SHC3: variants seen among roughly 807,000 people sequenced by gnomAD.
The protein encoded by SHC3 is SHC adaptor protein 3.
A neutral mutation model predicts 60.4 loss-of-function variants in SHC3; 15 were observed. The ratio of observed to expected loss-of-function variants is 0.25; its 90% CI spans 0.17 to 0.38. The LOEUF is 0.38. SHC3 is among the 10% of genes least tolerant of loss of function. SHC3 has a pLI of 1.00. For synonymous variants in SHC3, 294 were observed against 325.9 expected, an observed-to-expected ratio of 0.90 and a Z score of 1.05; for missense variants, 677 against 786.1, an observed-to-expected ratio of 0.86 and a Z score of 1.66.
chr9:89,058,269 A>G (rs1412824396), intron 6 of SHC3, among the ~76,000 whole-genome samples: 1 of 139,216 alleles, frequency 7.2e-6, no homozygotes, highest in African/African-American at 2.7e-5. Flanking sequence ...ACGTGGTGGA[A>G]GATGGTGGTG....
intron 1 of SHC3, among the ~76,000 whole-genome samples, chr9:89,171,407 G>A (rs1826867231): frequency 6.6e-6 from 1 of 152,224 alleles, no homozygotes; most frequent in Non-Finnish European, 1.5e-5. Flanking sequence ...GAGCACTTCT[G>A]ATGTGAGGCT....
At position 89,104,773 on chromosome 9, in the gene SHC3, C is replaced by A. The variant is rs144258595; in HGVS notation, c.545+7783G>T. On this transcript the variant is annotated intron_variant, in intron 2 of 11. Transcript: ENST00000375835. Reference sequence around the variant, plus strand: ...TCTATCCTCTCACCCTCCAATCCAACCTTTCCCCACCCCATCCCACCCTTC... The same window carrying A: ...TCTATCCTCTCACCCTCCAATCCAAACTTTCCCCACCCCATCCCACCCTTC... 2.0e-4 allele frequency among the ~76,000 whole-genome samples: 30 copies of A among 152,312 alleles called. No homozygotes were observed. In the East Asian group the frequency reaches 5.4e-3, roughly 27 times the overall value.
intron 11 of SHC3, among the ~76,000 whole-genome samples, chr9:89,015,606 T>C (rs1826079823): frequency 6.6e-6 from 1 of 152,224 alleles, no homozygotes; most frequent in South Asian, 2.1e-4. Context: ...TTCACTTCAT[T>C]ACCGTAAATA....
intron 1 of SHC3, among the ~76,000 whole-genome samples, chr9:89,173,642 G>T (rs1826901313): frequency 6.6e-6 from 1 of 152,064 alleles, no homozygotes; most frequent in South Asian, 2.1e-4. Context: ...GTGGGCTGTG[G>T]GGTGTGTGTG....
intron 1 of SHC3, among the ~76,000 whole-genome samples, chr9:89,142,452 C>A (rs1349913354): frequency 1.3e-5 from 2 of 151,058 alleles, no homozygotes; most frequent in Non-Finnish European, 2.9e-5. Flanking sequence ...TCCCACAAGG[C>A]AGGTGGATCA....
intron 1 of SHC3, among the ~76,000 whole-genome samples, chr9:89,146,466 A>G (rs1462873271): frequency 4.6e-5 from 7 of 152,202 alleles, no homozygotes; most frequent in Non-Finnish European, 1.0e-4. Flanking sequence ...TCCAAGAAAA[A>G]GAAATGGAAA....
rs978434426 is a variant in SHC3 at position 89,012,138 on chromosome 9, C to A, written c.*1309G>T. 1 of 152,258 alleles carries A rather than the reference C, an allele frequency of 6.6e-6. No homozygotes were observed. Among genetic ancestry groups the A allele is most frequent in the Non-Finnish European group, 1.5e-5 (1 of 68,094 alleles). The allele number at this position is 152,258 out of a possible 1,614,324, so 9.4% of individuals were successfully genotyped here. A position where few individuals can be genotyped will look rare whatever the true frequency, so the allele number is the denominator to read the frequency against. ...CACGCTGCCAGCAAGCAAATGGATC[C>A]ATCTATTCTTTAAAGGGCATCTGTG... On this transcript the variant is annotated 3_prime_UTR_variant, in exon 12 of 12. Transcript: ENST00000375835.
intron 2 of SHC3, among the ~76,000 whole-genome samples, chr9:89,092,752 G>T (rs1825643881): frequency 6.6e-6 from 1 of 151,810 alleles, no homozygotes; most frequent in East Asian, 1.9e-4. Context: ...GTGTGTGTGT[G>T]TGTGTGTGTA....
intron 2 of SHC3, among the ~76,000 whole-genome samples, chr9:89,084,885 A>T (rs1296684166): frequency 6.6e-6 from 1 of 152,158 alleles, no homozygotes; most frequent in Non-Finnish European, 1.5e-5. Context: ...AAGGCGCTGG[A>T]CCCATGAGGG....
rs560827014 is a variant in SHC3, at chr9:89,163,650, C to T, written c.474+14337G>A. Among the ~76,000 whole-genome samples the T allele has an allele frequency of 5.4e-5, 8 of 147,412 alleles. No homozygotes were observed. The East Asian group carries it at 1.0e-3, about 19-fold the overall frequency. On this transcript the variant is annotated intron_variant, in intron 1 of 11. Transcript: ENST00000375835. ...GGGAGATATACCTAATGCTAGATGA[C>T]GAGTTAGTGGGTGCAGCGCACCAGC...
chr9:89,115,531 T>C (rs1482449176), intron 1 of SHC3, among the ~76,000 whole-genome samples: 2 of 152,102 alleles, frequency 1.3e-5, no homozygotes, highest in Non-Finnish European at 2.9e-5. Context: ...ATTATGTAAA[T>C]ACCATCATCA....
At chr9:89,117,270 C>T (rs1826031482) in intron 1 of SHC3, among the ~76,000 whole-genome samples, 1 of 152,178 alleles carries the variant, frequency 6.6e-6, no homozygotes, top group Non-Finnish European at 1.5e-5. Context: ...CTCTCATCAC[C>T]CGGCATAAGC....
intron 10 of SHC3, among the ~76,000 whole-genome samples, chr9:89,040,167 A>G (rs1282809693): frequency 1.6e-4 from 3 of 18,666 alleles, no homozygotes. Context: ...CATCACCATC[A>G]TCATCACTAT....
rs1825955652 is a variant in SHC3, at chr9:89,112,109, G to A, written c.545+447C>T. 2.0e-5 allele frequency among the ~76,000 whole-genome samples: 3 copies of A among 152,310 alleles called. No individual in the cohort carries two copies. In the South Asian group the frequency reaches 6.2e-4, roughly 32 times the overall value. Reference sequence around the variant, plus strand: ...ACCTTAAAGAATTGGTCTGCTTGCTGAATGACCTACTCCCATGGCTGTTTC... The same window carrying A: ...ACCTTAAAGAATTGGTCTGCTTGCTAAATGACCTACTCCCATGGCTGTTTC... On this transcript the variant is annotated intron_variant, in intron 2 of 11. Coordinates refer to ENST00000375835, the MANE Select transcript of SHC3 (RefSeq NM_016848.6).
rs886539091 is a variant in SHC3 at position 89,008,502 on chromosome 9, G to A, written c.*4945C>T. On this transcript the variant is annotated 3_prime_UTR_variant, in exon 12 of 12. Coordinates refer to ENST00000375835, the MANE Select transcript of SHC3 (RefSeq NM_016848.6). ...GCCCCACTCCAGACCTAGGGAGTCA[G>A]GAACTTGGCGGGGCCAGGGGGGTGG... is the stretch of plus-strand genomic sequence containing the variant. 6.6e-6 allele frequency: 1 copy of A among 152,322 alleles called. No individual in the cohort carries two copies. Among genetic ancestry groups the A allele is most frequent in the Non-Finnish European group, 1.5e-5 (1 of 68,036 alleles). 9.4% of individuals were successfully genotyped at this position (152,322 alleles called of 1,614,324 possible). A position where few individuals can be genotyped will look rare whatever the true frequency, so the allele number is the denominator to read the frequency against.
intron 2 of SHC3, 126 bp downstream of exon 2, chr9:89,112,430 C>T: frequency 2.2e-6 from 2 of 929,538 alleles, no homozygotes; most frequent in Non-Finnish European, 3.4e-6. Flanking sequence ...ACAGTACTGA[C>T]TCACTGTCAC....
chr9:89,165,526 C>CAAAAA (rs35567194), intron 1 of SHC3, among the ~76,000 whole-genome samples: 12 of 121,158 alleles, frequency 9.9e-5, no homozygotes, highest in African/African-American at 2.8e-4. Context: ...ATCATCAAGG[C>CAAAAA]AAAAAAAAAA....
intron 7 of SHC3, among the ~76,000 whole-genome samples, chr9:89,048,443 T>C (rs1167272063): frequency 6.6e-6 from 1 of 152,198 alleles, no homozygotes; most frequent in Non-Finnish European, 1.5e-5. Context: ...ATTCCATTTA[T>C]ATGAAATGTC....
chr9:89,034,353 T>C (rs1367249563), intron 11 of SHC3, among the ~76,000 whole-genome samples: 1 of 152,152 alleles, frequency 6.6e-6, no homozygotes, highest in Non-Finnish European at 1.5e-5. Flanking sequence ...ATGAATGAAA[T>C]TTTTTAGGAC....
Sources: gnomAD v4.1 joint callset for allele counts (sites outside exome capture counted in the v4.1 genomes callset) on GRCh38, gnomAD v4.1.1 for gene constraint, MANE v1.5 for transcripts, NCBI Gene and HGNC (gene_info 2026-07-23, HGNC 2026-07-21) for gene names.